TAFA1: variants seen among roughly 807,000 people sequenced by gnomAD.
The protein encoded by TAFA1 is chemokine-like protein TAFA-1.
Under a neutral mutation model 18.5 loss-of-function variants are expected in TAFA1, and 4 were observed. The observed-to-expected ratio is 0.22, with a 90% CI of 0.11 to 0.49. The LOEUF (loss-of-function observed/expected upper bound fraction) is 0.49, where lower values mean the gene tolerates loss of function less well. TAFA1 is among the 20% of genes least tolerant of loss of function. TAFA1 has a pLI of 0.98. For missense variants in TAFA1, 147 were observed against 169.0 expected, an observed-to-expected ratio of 0.87 and a Z score of 0.72; for synonymous variants, 56 against 55.2, an observed-to-expected ratio of 1.01 and a Z score of -0.06.
At chr3:68,511,047 A>G (rs2072838412) in intron 3 of TAFA1, among the ~76,000 whole-genome samples, 1 of 152,162 alleles carries the variant, frequency 6.6e-6, no homozygotes. Context: ...GATTTTCCAG[A>G]GTATACATTA....
chr3:68,292,422 A>AC (rs1217430617), intron 2 of TAFA1, among the ~76,000 whole-genome samples: 4 of 109,692 alleles, frequency 3.6e-5, no homozygotes, highest in East Asian at 2.7e-4. Flanking sequence ...AAAAAAAAAA[A>AC]ACAAAAAAAA....
At position 68,442,542 on chromosome 3, in the gene TAFA1, A is replaced by G. The variant is rs896748255; in HGVS notation, c.259+25122A>G. The stretch of plus-strand genomic sequence containing the variant: ...AGACATTCAAACTATAGCAATACTA[A>G]TATTCTTATCACATTTCAATAACCC... On this transcript the variant is annotated intron_variant, in intron 3 of 4. Transcript: ENST00000478136. Among the ~76,000 whole-genome samples the G allele has an allele frequency of 5.9e-5, 9 of 152,140 alleles. 1 individual carries two copies. The highest frequency in any genetic ancestry group is 2.2e-4 in the African/African-American group (9 of 41,436).
intron 2 of TAFA1, among the ~76,000 whole-genome samples, chr3:68,038,435 A>G (rs1705096971): frequency 2.0e-5 from 3 of 152,116 alleles, no homozygotes; most frequent in South Asian, 4.1e-4. Flanking sequence ...GCTTTGCAGA[A>G]CCTGTCTTCT....
In TAFA1 at chr3:68,545,206, T is replaced by G. The variant is rs2073439195; in HGVS notation, c.*703T>G. 1 of 152,606 alleles carries G rather than the reference T, an allele frequency of 6.6e-6. No individual in the cohort carries two copies. Among genetic ancestry groups the G allele is most frequent in the South Asian group, 2.1e-4 (1 of 4,832 alleles). The allele number at this position is 152,606 out of a possible 1,614,324, so 9.5% of individuals were successfully genotyped here. On this transcript the variant is annotated 3_prime_UTR_variant, in exon 5 of 5. Transcript: ENST00000478136. ...TTCAATTGATATATAATAACCGTTC[T>G]AACCTCTTCCAGGAAAATATTTTTA... is the stretch of plus-strand genomic sequence containing the variant.
intron 2 of TAFA1, among the ~76,000 whole-genome samples, chr3:68,129,134 G>T (rs1271792243): frequency 6.6e-6 from 1 of 152,146 alleles, no homozygotes; most frequent in Non-Finnish European, 1.5e-5. Flanking sequence ...GGCAGGAGGG[G>T]GTTTGTTGTC....
chr3:68,360,987 A>G (rs540405809), intron 2 of TAFA1, among the ~76,000 whole-genome samples: 1 of 152,162 alleles, frequency 6.6e-6, no homozygotes, highest in South Asian at 2.1e-4. Context: ...AGTGTGGTAT[A>G]GTTTTATGCT....
intron 3 of TAFA1, among the ~76,000 whole-genome samples, chr3:68,426,553 T>A (rs1346406897): frequency 6.6e-6 from 1 of 151,864 alleles, no homozygotes; most frequent in African/African-American, 2.4e-5. Flanking sequence ...AATTAAACAC[T>A]GAACTACAGT....
At chr3:68,465,055 C>T (rs553228244) in intron 3 of TAFA1, among the ~76,000 whole-genome samples, 9 of 152,188 alleles carry the variant, frequency 5.9e-5, no homozygotes, top group South Asian at 4.2e-4. Context: ...CAATCCCCTT[C>T]GCTAGTGATT....
chr3:68,136,308 A>G (rs2065605577), intron 2 of TAFA1, among the ~76,000 whole-genome samples: 1 of 152,218 alleles, frequency 6.6e-6, no homozygotes, highest in Non-Finnish European at 1.5e-5. Flanking sequence ...AAGCATTGTC[A>G]TTAGGGTTCG....
intron 3 of TAFA1, among the ~76,000 whole-genome samples, chr3:68,474,870 C>A (rs1000880011): frequency 6.6e-6 from 1 of 152,120 alleles, no homozygotes; most frequent in Non-Finnish European, 1.5e-5. Flanking sequence ...ACTACCAGGA[C>A]AAAGTTCTTG....
chr3:68,249,310 A>G (rs886254257), intron 2 of TAFA1, among the ~76,000 whole-genome samples: 1 of 152,114 alleles, frequency 6.6e-6, no homozygotes, highest in Non-Finnish European at 1.5e-5. Context: ...CCTTTCTACC[A>G]TGTCAAGATC....
chr3:68,365,482 A>G lies in TAFA1; in HGVS notation c.119-51798A>G, dbSNP rs138125816. On this transcript the variant is annotated intron_variant, in intron 2 of 4. Transcript: ENST00000478136. ...ATGGTTTGGATGCTCCAACACTACA[A>G]TGTATAAGATATTTTGACAATGAGA... Among the ~76,000 whole-genome samples the G allele has an allele frequency of 7.2e-3, 1,098 of 152,280 alleles. 14 individuals are homozygous for G. Among genetic ancestry groups the G allele is most frequent in the African/African-American group, 0.025 (1,036 of 41,564 alleles).
chr3:68,461,235 T>C (rs2071771528), intron 3 of TAFA1, among the ~76,000 whole-genome samples: 2 of 151,830 alleles, frequency 1.3e-5, no homozygotes, highest in East Asian at 2.0e-4. Context: ...GGAGCCAAGA[T>C]TGCGCCACTG....
intron 2 of TAFA1, among the ~76,000 whole-genome samples, chr3:68,293,953 T>G (rs967666621): frequency 2.6e-5 from 4 of 152,212 alleles, no homozygotes; most frequent in African/African-American, 9.6e-5. Context: ...AGAGAATGTC[T>G]CTGCAAAGCT....
At chr3:68,076,699 G>A (rs1233321521) in intron 2 of TAFA1, among the ~76,000 whole-genome samples, 6 of 152,234 alleles carry the variant, frequency 3.9e-5, no homozygotes, top group East Asian at 3.8e-4. Flanking sequence ...TCTTAATCCA[G>A]TCTATCATTG....
intron 3 of TAFA1, among the ~76,000 whole-genome samples, chr3:68,531,994 A>C (rs2073194529): frequency 6.6e-6 from 1 of 152,216 alleles, no homozygotes. Flanking sequence ...CAAAATATTT[A>C]AGAATTATTT....
chr3:68,540,276 G>A (rs2073351179), intron 4 of TAFA1, among the ~76,000 whole-genome samples: 1 of 152,010 alleles, frequency 6.6e-6, no homozygotes, highest in African/African-American at 2.4e-5. Context: ...AGGAACCTCT[G>A]AACCACCCTA....
intron 2 of TAFA1, among the ~76,000 whole-genome samples, chr3:68,325,883 G>A (rs370159920): frequency 6.6e-6 from 1 of 152,116 alleles, no homozygotes; most frequent in Non-Finnish European, 1.5e-5. Context: ...TCTGCCCAAT[G>A]ACGTGTATCT....
intron 3 of TAFA1, among the ~76,000 whole-genome samples, chr3:68,441,874 C>A (rs1473089023): frequency 1.3e-5 from 2 of 152,184 alleles, no homozygotes; most frequent in East Asian, 3.9e-4. Flanking sequence ...TAGGACATCC[C>A]TGAAGGACAG....
Sources: gnomAD v4.1 joint callset for allele counts (sites outside exome capture counted in the v4.1 genomes callset) on GRCh38, gnomAD v4.1.1 for gene constraint, MANE v1.5 for transcripts, NCBI Gene and HGNC (gene_info 2026-07-23, HGNC 2026-07-21) for gene names.